PACRG: variants seen among roughly 807,000 people sequenced by gnomAD.
The protein encoded by PACRG is parkin coregulated gene protein.
In PACRG, 29 loss-of-function variants were observed where a neutral mutation model predicts 29.7. The observed-to-expected ratio is 0.98, with a 90% CI of 0.73 to 1.33. PACRG has a LOEUF of 1.33. Among genes scored for constraint, PACRG ranks in the 40% most tolerant of loss-of-function variants. The pLI is 0.00. For missense variants in PACRG, 279 were observed against 316.2 expected (o/e 0.88, Z 0.89); for synonymous variants, 116 against 118.7 (o/e 0.98, Z 0.15).
chr6:162,995,730 C>G (rs539240563), intron 2 of PACRG, among the ~76,000 whole-genome samples: 1 of 152,154 alleles, frequency 6.6e-6, no homozygotes, highest in South Asian at 2.1e-4. Flanking sequence ...AGCTGTAGAC[C>G]GGAGCTGTTC....
At chr6:162,974,169 T>C (rs1032304603) in intron 2 of PACRG, among the ~76,000 whole-genome samples, 1 of 152,152 alleles carries the variant, frequency 6.6e-6, no homozygotes, top group African/African-American at 2.4e-5. Flanking sequence ...AGTATTTCAG[T>C]TTCAACACAG....
At chr6:163,178,237 G>A (rs769490157) in intron 4 of PACRG, among the ~76,000 whole-genome samples, 2 of 152,172 alleles carry the variant, frequency 1.3e-5, no homozygotes, top group African/African-American at 2.4e-5. Context: ...GTTGCCTCAT[G>A]AGCACGCCCC....
At chr6:162,924,064 C>A (rs1016630686) in intron 2 of PACRG, among the ~76,000 whole-genome samples, 1 of 151,864 alleles carries the variant, frequency 6.6e-6, no homozygotes, top group Non-Finnish European at 1.5e-5. Context: ...TCAATTTCTT[C>A]CGCCAGTATT....
chr6:163,228,533 CG>C (rs1781900417), intron 4 of PACRG, among the ~76,000 whole-genome samples: 1 of 152,032 alleles, frequency 6.6e-6, no homozygotes, highest in Non-Finnish European at 1.5e-5. Context: ...AGATAGTGCA[CG>C]GGTGCACGGC....
chr6:163,005,791 ATGTTATATATATACAACATAGTTATACG>A (rs1805012591), intron 2 of PACRG, among the ~76,000 whole-genome samples: 5 of 149,062 alleles, frequency 3.4e-5, no homozygotes, highest in South Asian at 2.1e-4. Context: ...GTAGTTATAC[ATGTTATATATATACAACATAGTTATACG>A]TGTTATATAT....
intron 2 of PACRG, among the ~76,000 whole-genome samples, chr6:162,902,157 G>C (rs1426766693): frequency 6.6e-6 from 1 of 152,214 alleles, no homozygotes; most frequent in Non-Finnish European, 1.5e-5. Context: ...ATAAGTATGG[G>C]TTCTGACATT....
intron 2 of PACRG, among the ~76,000 whole-genome samples, chr6:162,923,203 T>C (rs1797190749): frequency 6.6e-6 from 1 of 152,158 alleles, no homozygotes; most frequent in African/African-American, 2.4e-5. Flanking sequence ...TCAGATCCTT[T>C]GCCCATTCTA....
chr6:163,114,871 AAAAG>A (rs1815898057), intron 4 of PACRG, among the ~76,000 whole-genome samples: 1 of 152,046 alleles, frequency 6.6e-6, no homozygotes, highest in East Asian at 1.9e-4. Flanking sequence ...AAAAAAAAAA[AAAAG>A]GTAATAATGT....
intron 4 of PACRG, among the ~76,000 whole-genome samples, chr6:163,117,646 G>A (rs1357937446): frequency 6.6e-6 from 1 of 151,942 alleles, no homozygotes; most frequent in African/African-American, 2.4e-5. Context: ...AGCTACTCAG[G>A]AGGCTGTGGC....
At chr6:162,955,207 G>A (rs1257321828) in intron 2 of PACRG, among the ~76,000 whole-genome samples, 1 of 152,210 alleles carries the variant, frequency 6.6e-6, no homozygotes, top group African/African-American at 2.4e-5. Flanking sequence ...ACCAGGTGAG[G>A]TGGGTAGGGT....
intron 2 of PACRG, among the ~76,000 whole-genome samples, chr6:162,937,334 C>T (rs1482998229): frequency 6.6e-6 from 1 of 152,148 alleles, no homozygotes; most frequent in East Asian, 1.9e-4. Context: ...TCAAACACAA[C>T]CACAGGTAGC....
At chr6:162,946,762 C>A (rs1474993100) in intron 2 of PACRG, among the ~76,000 whole-genome samples, 1 of 151,960 alleles carries the variant, frequency 6.6e-6, no homozygotes, top group Non-Finnish European at 1.5e-5. Context: ...AACTGCATAT[C>A]AAAAAGATAA....
At chr6:162,786,172 G>A (rs1784453737) in intron 1 of PACRG, among the ~76,000 whole-genome samples, 1 of 152,194 alleles carries the variant, frequency 6.6e-6, no homozygotes, top group African/African-American at 2.4e-5. Flanking sequence ...AACTAATGAA[G>A]AGGATTGATT....
intron 2 of PACRG, among the ~76,000 whole-genome samples, chr6:163,010,568 C>A (rs1257838521): frequency 6.6e-6 from 1 of 152,222 alleles, no homozygotes; most frequent in African/African-American, 2.4e-5. Flanking sequence ...TGTTATCCTA[C>A]CTTTATTTCA....
At chr6:162,976,439 G>A (rs1159875637) in intron 2 of PACRG, among the ~76,000 whole-genome samples, 1 of 152,160 alleles carries the variant, frequency 6.6e-6, no homozygotes, top group Non-Finnish European at 1.5e-5. Flanking sequence ...TAAAGGACTG[G>A]AGTTGAGGGG....
At position 163,182,162 on chromosome 6, in the gene PACRG, C is replaced by T. The variant is rs553722813; in HGVS notation, c.613+92754C>T. 1.1e-4 allele frequency among the ~76,000 whole-genome samples: 16 copies of T among 152,252 alleles called. No individual in the cohort carries two copies. In the East Asian group the frequency reaches 1.2e-3, roughly 11 times the overall value. On this transcript the variant is annotated intron_variant, in intron 4 of 4. Coordinates refer to ENST00000366888, the MANE Select transcript of PACRG (RefSeq NM_001080379.2). ...TCCAGGCTCTTTGTGTTCCACGGTC[C>T]GGTGGTGAAATCACTGCTATCTCTC...
chr6:163,220,014 A>G (rs1781514811), intron 4 of PACRG, among the ~76,000 whole-genome samples: 2 of 152,104 alleles, frequency 1.3e-5, no homozygotes. Flanking sequence ...TTTGAAACCA[A>G]GTCATCATCT....
At chr6:163,302,685 G>C (rs1785048782) in intron 4 of PACRG, among the ~76,000 whole-genome samples, 1 of 152,156 alleles carries the variant, frequency 6.6e-6, no homozygotes, top group African/African-American at 2.4e-5. Flanking sequence ...ATTCATTTTA[G>C]AATTTTCAAA....
At chr6:162,800,962 C>T (rs1016442516) in intron 1 of PACRG, among the ~76,000 whole-genome samples, 1 of 152,152 alleles carries the variant, frequency 6.6e-6, no homozygotes, top group South Asian at 2.1e-4. Context: ...CCACACCTGG[C>T]AGTTCCTCCA....
Sources: allele counts gnomAD v4.1 joint callset (sites outside exome capture counted in the v4.1 genomes callset), GRCh38; gene constraint gnomAD v4.1.1; transcripts MANE v1.5; gene names NCBI Gene and HGNC (gene_info 2026-07-23, HGNC 2026-07-21).